The following KCNN2 variants were observed in gnomAD, a reference collection of about 807,000 sequenced individuals.
KCNN2 encodes the protein small conductance calcium-activated potassium channel protein 2.
Under a neutral mutation model 55.5 loss-of-function variants are expected in KCNN2, and 24 were observed. The ratio of observed to expected loss-of-function variants is 0.43; its 90% confidence interval spans 0.31 to 0.61. The LOEUF is 0.61. KCNN2 is among the 20% of genes least tolerant of loss of function. KCNN2 has a pLI of 0.08. For synonymous variants in KCNN2, 431 were observed against 336.1 expected (o/e 1.28, Z -3.09); for missense variants, 754 against 853.6 (o/e 0.88, Z 1.45).
intron 2 of KCNN2, among the ~76,000 whole-genome samples, chr5:114,366,100 T>TA (rs1289968296): frequency 3.4e-4 from 52 of 152,352 alleles, no homozygotes; most frequent in African/African-American, 1.2e-3. Context: ...CAGAAGTTTA[T>TA]AAAAAATCAT....
intron 2 of KCNN2, among the ~76,000 whole-genome samples, chr5:114,375,659 AT>A (rs1440974829): frequency 1.6e-4 from 24 of 151,960 alleles, no homozygotes; most frequent in Admixed American, 1.2e-3. Flanking sequence ...TTGTTGAAAA[AT>A]ATTTTGAGTT....
At chr5:114,435,116 C>T (rs1759957356) in intron 3 of KCNN2, among the ~76,000 whole-genome samples, 1 of 151,994 alleles carries the variant, frequency 6.6e-6, no homozygotes, top group African/African-American at 2.4e-5. Context: ...ACTCCCCACC[C>T]CTCACCCCTC....
At chr5:114,215,115 AATG>A (rs1472580538) in intron 1 of KCNN2, among the ~76,000 whole-genome samples, 3 of 152,140 alleles carry the variant, frequency 2.0e-5, no homozygotes, top group African/African-American at 7.2e-5. Flanking sequence ...GAATAGGCTT[AATG>A]AAATATTTTC....
intron 2 of KCNN2, among the ~76,000 whole-genome samples, chr5:114,297,293 G>T (rs75050424): frequency 6.6e-6 from 1 of 152,030 alleles, no homozygotes; most frequent in African/African-American, 2.4e-5. Context: ...ACTGCAGCCT[G>T]GGTGATAGGG....
chr5:114,445,416 A>C lies in KCNN2; in HGVS notation c.1638-17633A>C, dbSNP rs151106363. On this transcript the variant is annotated intron_variant, in intron 3 of 7. Coordinates refer to ENST00000673685, the MANE Select transcript of KCNN2 (RefSeq NM_021614.4). ...CTTTGCATCCATGAGACACTTTATAAAAATATTACTTATCAGTAAAATACA... is the reference window on the plus strand; with the variant it reads ...CTTTGCATCCATGAGACACTTTATACAAATATTACTTATCAGTAAAATACA... Among the ~76,000 whole-genome samples, 58 of 152,342 alleles carry C rather than the reference A, an allele frequency of 3.8e-4. No individual in the cohort carries two copies. The East Asian group carries it at 0.011, about 28-fold the overall frequency.
intron 1 of KCNN2, among the ~76,000 whole-genome samples, chr5:114,168,174 T>TACACACACAC (rs10654082): frequency 1.4e-4 from 21 of 148,712 alleles, no homozygotes; most frequent in African/African-American, 3.7e-4. Context: ...TGGATATATA[T>TACACACACAC]ACACACACAC....
chr5:114,147,903 C>A (rs926914770), intron 1 of KCNN2, among the ~76,000 whole-genome samples: 1 of 152,084 alleles, frequency 6.6e-6, no homozygotes, highest in Non-Finnish European at 1.5e-5. Flanking sequence ...AATGTGGAGT[C>A]CTGCATTGGC....
chr5:114,078,132 C>T (rs1750723898), intron 1 of KCNN2, among the ~76,000 whole-genome samples: 1 of 152,094 alleles, frequency 6.6e-6, no homozygotes, highest in Non-Finnish European at 1.5e-5. Flanking sequence ...CATAACATTT[C>T]AATTTCAAGC....
intron 3 of KCNN2, among the ~76,000 whole-genome samples, chr5:114,421,267 T>TTTAA (rs999616881): frequency 2.0e-5 from 3 of 151,038 alleles, no homozygotes; most frequent in African/African-American, 4.9e-5. Flanking sequence ...TTAAGACAAA[T>TTTAA]TTAATTAATT....
intron 2 of KCNN2, among the ~76,000 whole-genome samples, chr5:114,329,547 G>A (rs1166448547): frequency 3.3e-5 from 5 of 152,162 alleles, no homozygotes; most frequent in Non-Finnish European, 4.4e-5. Flanking sequence ...TGGTTGGTCA[G>A]GGGCTTTCGG....
intron 1 of KCNN2, among the ~76,000 whole-genome samples, chr5:114,102,896 C>G (rs1481632802): frequency 1.3e-5 from 2 of 152,108 alleles, no homozygotes; most frequent in Non-Finnish European, 2.9e-5. Flanking sequence ...GTTCTTTTTG[C>G]TTATGATTGT....
intron 1 of KCNN2, among the ~76,000 whole-genome samples, chr5:114,110,450 G>C (rs1380305954): frequency 6.6e-6 from 1 of 151,994 alleles, no homozygotes; most frequent in Non-Finnish European, 1.5e-5. Context: ...TCTCAGACAG[G>C]ATTGACTTTA....
At chr5:114,341,143 T>A (rs1194162231) in intron 2 of KCNN2, among the ~76,000 whole-genome samples, 2 of 152,208 alleles carry the variant, frequency 1.3e-5, no homozygotes, top group African/African-American at 2.4e-5. Context: ...AATGCCTTCA[T>A]AAAGCTGGAA....
At chr5:114,179,017 C>G (rs1244176355) in intron 1 of KCNN2, among the ~76,000 whole-genome samples, 1 of 152,142 alleles carries the variant, frequency 6.6e-6, no homozygotes, top group East Asian at 1.9e-4. Flanking sequence ...GAGATCCCTC[C>G]AAGACAGAAT....
chr5:114,257,826 C>G (rs1265576923), intron 2 of KCNN2, among the ~76,000 whole-genome samples: 1 of 152,062 alleles, frequency 6.6e-6, no homozygotes, highest in Non-Finnish European at 1.5e-5. Context: ...AATTTGGATG[C>G]CTTTTATTTC....
At chr5:114,216,496 A>T (rs1303483460) in intron 1 of KCNN2, among the ~76,000 whole-genome samples, 2 of 152,170 alleles carry the variant, frequency 1.3e-5, no homozygotes, top group African/African-American at 2.4e-5. Context: ...TGAAGTTCTT[A>T]TGTAAAGGTA....
At chr5:114,140,551 G>A (rs1469937047) in intron 1 of KCNN2, among the ~76,000 whole-genome samples, 3 of 152,040 alleles carry the variant, frequency 2.0e-5, no homozygotes, top group Non-Finnish European at 4.4e-5. Context: ...ATATTAGATG[G>A]ACATTTCTAG....
At chr5:114,271,698 T>C (rs542644001) in intron 2 of KCNN2, among the ~76,000 whole-genome samples, 31 of 152,350 alleles carry the variant, frequency 2.0e-4, no homozygotes, top group Non-Finnish European at 3.4e-4. Flanking sequence ...CCCCCTACTC[T>C]GTATGGACTA....
At chr5:114,246,188 G>A (rs994365561) in intron 2 of KCNN2, among the ~76,000 whole-genome samples, 1 of 152,094 alleles carries the variant, frequency 6.6e-6, no homozygotes, top group African/African-American at 2.4e-5. Flanking sequence ...ACTTGTTGTA[G>A]ATATAAATAT....
Sources: allele counts gnomAD v4.1 joint callset (sites outside exome capture counted in the v4.1 genomes callset), GRCh38; gene constraint gnomAD v4.1.1; transcripts MANE v1.5; gene names NCBI Gene and HGNC (gene_info 2026-07-23, HGNC 2026-07-21).